Variants in TPRG1 observed in about 807,000 individuals in gnomAD.
TPRG1 encodes tumor protein p63-regulated gene 1 protein.
Under a neutral mutation model 29.3 loss-of-function variants are expected in TPRG1, and 29 were observed. The observed-to-expected ratio is 0.99, with a 90% CI of 0.74 to 1.35. The LOEUF (loss-of-function observed/expected upper bound fraction) is 1.35. TPRG1 is among the 40% of genes most tolerant of loss of function. TPRG1 has a pLI of 0.00. For missense variants in TPRG1, 327 were observed against 335.0 expected, an observed-to-expected ratio of 0.98 and a Z score of 0.19; for synonymous variants, 130 against 116.8, an observed-to-expected ratio of 1.11 and a Z score of -0.73.
intron 4 of TPRG1, among the ~76,000 whole-genome samples, chr3:189,148,965 A>G (rs938557758): frequency 2.0e-5 from 3 of 152,134 alleles, no homozygotes; most frequent in Non-Finnish European, 2.9e-5. Flanking sequence ...CTTGCTTGAC[A>G]CTGCTGCTGT....
intron 4 of TPRG1, among the ~76,000 whole-genome samples, chr3:189,079,712 A>C (rs554238013): frequency 6.6e-6 from 1 of 152,332 alleles, no homozygotes; most frequent in Admixed American, 6.5e-5. Flanking sequence ...GTAGTACAAC[A>C]TGCAATTACT....
chr3:189,029,642 G>C (rs1288024043), intron 4 of TPRG1, among the ~76,000 whole-genome samples: 2 of 152,152 alleles, frequency 1.3e-5, no homozygotes, highest in African/African-American at 4.8e-5. Context: ...GATATGGTTT[G>C]GGTGTTTGTC....
chr3:189,144,866 C>T (rs1725036683), intron 3 of TPRG1, among the ~76,000 whole-genome samples: 1 of 152,174 alleles, frequency 6.6e-6, no homozygotes, highest in Non-Finnish European at 1.5e-5. Context: ...GACGTGATTG[C>T]ACATAAGCAG....
intron 4 of TPRG1, among the ~76,000 whole-genome samples, chr3:189,307,329 C>A (rs1158170919): frequency 6.6e-6 from 1 of 152,134 alleles, no homozygotes; most frequent in African/African-American, 2.4e-5. Flanking sequence ...TGGCCAAAGA[C>A]CCAATCTTCT....
chr3:189,310,238 A>AT (rs1383158104), intron 4 of TPRG1, 148 bp from the exon 5 acceptor site: 33 of 566,788 alleles, frequency 5.8e-5, no homozygotes, highest in Non-Finnish European at 3.6e-5. Flanking sequence ...TTAAAACCTA[A>AT]TTCACCTTTT....
At chr3:189,152,105 A>G (rs548709666) in intron 5 of TPRG1, among the ~76,000 whole-genome samples, 48 of 152,038 alleles carry the variant, frequency 3.2e-4, no homozygotes, top group African/African-American at 1.1e-3. Context: ...CAAGGCTCTT[A>G]TTCTCGTGCT....
intron 3 of TPRG1, among the ~76,000 whole-genome samples, chr3:189,235,180 G>GT (rs1406800638): frequency 1.4e-5 from 2 of 145,442 alleles, no homozygotes; most frequent in Non-Finnish European, 3.0e-5. Context: ...CTGTTGAAGT[G>GT]TTTTGAACCA....
intron 4 of TPRG1, among the ~76,000 whole-genome samples, chr3:189,270,058 CTTT>C (rs200207552): frequency 0.027 from 3,495 of 131,674 alleles, 114 homozygotes; most frequent in East Asian, 0.1. Context: ...TCTTCTTCTT[CTTT>C]TTTGTCTGTA....
intron 4 of TPRG1, among the ~76,000 whole-genome samples, chr3:189,299,389 A>G (rs952389017): frequency 6.6e-6 from 1 of 152,154 alleles, no homozygotes; most frequent in African/African-American, 2.4e-5. Flanking sequence ...GCCGTATACT[A>G]TATGCATGCA....
chr3:189,260,717 C>G lies in TPRG1; in HGVS notation c.479+21808C>G, dbSNP rs537977720. ...TAGGCCATGCTGCAGAAGCCAGGTC[C>G]AGGAAACTGCTTTCTTTGGCCTTTA... On this transcript the variant is annotated intron_variant, in intron 4 of 5. Coordinates refer to ENST00000345063, the MANE Select transcript of TPRG1 (RefSeq NM_198485.4). Among the ~76,000 whole-genome samples, 5 of 152,324 alleles carry G rather than the reference C, an allele frequency of 3.3e-5. No individual in the cohort carries two copies. The East Asian group carries it at 9.7e-4, about 29-fold the overall frequency.
intron 5 of TPRG1, among the ~76,000 whole-genome samples, chr3:189,163,388 A>G (rs1243020652): frequency 2.0e-5 from 3 of 152,192 alleles, no homozygotes; most frequent in Non-Finnish European, 2.9e-5. Context: ...TTTTAAATAA[A>G]ATTTTGATAT....
chr3:189,017,664 A>G (rs909575514), intron 3 of TPRG1, among the ~76,000 whole-genome samples: 1 of 152,084 alleles, frequency 6.6e-6, no homozygotes, highest in African/African-American at 2.4e-5. Context: ...AGTCTTTGCT[A>G]TTGTGAATAG....
intron 4 of TPRG1, among the ~76,000 whole-genome samples, chr3:189,280,461 G>T (rs953068031): frequency 6.6e-6 from 1 of 152,042 alleles, no homozygotes; most frequent in East Asian, 1.9e-4. Flanking sequence ...ATTAATAATA[G>T]GAATTGAAAA....
At chr3:189,252,629 C>T (rs948583222) in intron 4 of TPRG1, among the ~76,000 whole-genome samples, 3 of 152,112 alleles carry the variant, frequency 2.0e-5, no homozygotes, top group Non-Finnish European at 2.9e-5. Flanking sequence ...CTAATCTTAA[C>T]CGCACCATTT....
intron 1 of TPRG1, among the ~76,000 whole-genome samples, chr3:189,184,507 C>T (rs748095795): frequency 6.6e-6 from 1 of 151,810 alleles, no homozygotes; most frequent in Non-Finnish European, 1.5e-5. Flanking sequence ...CTTTCATTTT[C>T]CCTGCATAGT....
At chr3:189,213,199 A>G (rs1735540626) in intron 2 of TPRG1, among the ~76,000 whole-genome samples, 1 of 151,806 alleles carries the variant, frequency 6.6e-6, no homozygotes, top group South Asian at 2.1e-4. Flanking sequence ...ATGTAATAAT[A>G]TATATAGTGT....
intron 1 of TPRG1, among the ~76,000 whole-genome samples, chr3:189,197,708 A>G (rs1732771033): frequency 6.6e-6 from 1 of 152,204 alleles, no homozygotes; most frequent in South Asian, 2.1e-4. Flanking sequence ...TCAATATTGG[A>G]CAGGGCTGTG....
intron 4 of TPRG1, among the ~76,000 whole-genome samples, chr3:189,079,828 A>G (rs1444762475): frequency 6.6e-6 from 1 of 152,230 alleles, no homozygotes; most frequent in Non-Finnish European, 1.5e-5. Flanking sequence ...AGGTTTAAAT[A>G]TGGAACAGTA....
intron 1 of TPRG1, among the ~76,000 whole-genome samples, chr3:189,105,771 A>G (rs1022929338): frequency 1.3e-5 from 2 of 151,960 alleles, no homozygotes; most frequent in Admixed American, 6.6e-5. Context: ...TCCTTCCGAC[A>G]TAATAATTAC....
Sources: gnomAD v4.1 joint callset for allele counts (sites outside exome capture counted in the v4.1 genomes callset) on GRCh38, gnomAD v4.1.1 for gene constraint, MANE v1.5 for transcripts, NCBI Gene and HGNC (gene_info 2026-07-23, HGNC 2026-07-21) for gene names.